SORCS3: variants seen among roughly 807,000 people sequenced by gnomAD.
SORCS3 encodes the protein sortilin related VPS10 domain containing receptor 3, also known as VPS10 domain-containing receptor SorCS3.
In SORCS3, 57 loss-of-function variants were observed where a neutral mutation model predicts 146.3. The ratio of observed to expected loss-of-function variants is 0.39; its 90% confidence interval spans 0.31 to 0.49. The LOEUF (loss-of-function observed/expected upper bound fraction) is 0.49. SORCS3 is among the 20% of genes least tolerant of loss of function. The probability of loss-of-function intolerance (pLI) is 0.92; values close to 1 mark genes in which losing one functional copy is unlikely to be tolerated. For synonymous variants in SORCS3, 653 were observed against 618.5 expected (o/e 1.06, Z -0.83); for missense variants, 1,341 against 1,575.5 (o/e 0.85, Z 2.52).
At chr10:104,751,505 G>A (rs764720366) in intron 1 of SORCS3, among the ~76,000 whole-genome samples, 33 of 152,132 alleles carry the variant, frequency 2.2e-4, no homozygotes, top group African/African-American at 6.3e-4. Context: ...CTTGATTGGA[G>A]GTAAGGGTTA....
At chr10:105,088,371 C>T (rs2055677507) in intron 5 of SORCS3, among the ~76,000 whole-genome samples, 1 of 152,156 alleles carries the variant, frequency 6.6e-6, no homozygotes, top group Admixed American at 6.5e-5. Context: ...TAGAGTAAAG[C>T]CTCATTTATT....
chr10:105,048,774 T>C (rs542415961), intron 5 of SORCS3, among the ~76,000 whole-genome samples: 58 of 152,220 alleles, frequency 3.8e-4, no homozygotes, highest in Non-Finnish European at 7.2e-4. Flanking sequence ...TTTCATGTTC[T>C]TAGTTTTCCA....
intron 1 of SORCS3, among the ~76,000 whole-genome samples, chr10:104,690,827 ATAGCAAT>A (rs2016102860): frequency 4.1e-5 from 2 of 48,740 alleles, no homozygotes; most frequent in South Asian, 2.3e-3. Context: ...CAAGACCCTG[ATAGCAAT>A]AACTCAATGC....
chr10:105,263,486 GC>G lies in SORCS3; in HGVS notation c.*116del, dbSNP rs1432675363. The G allele has an allele frequency of 1.9e-6, 2 of 1,061,906 alleles. No individual in the cohort carries two copies. Among genetic ancestry groups the G allele is most frequent in the Non-Finnish European group, 2.8e-6 (2 of 723,292 alleles). 65.8% of individuals were successfully genotyped at this position (1,061,906 alleles called of 1,614,324 possible). A position where few individuals can be genotyped will look rare whatever the true frequency, so the allele number is the denominator to read the frequency against. On this transcript the variant is annotated 3_prime_UTR_variant, in exon 27 of 27. Transcript: ENST00000369701. ...CTTTTTTACCTTTTGTTTACCAAGG[GC>G]CCCTTCATAAATAGCAGGCAAATGC...
At chr10:104,809,242 A>G (rs988837451) in intron 1 of SORCS3, among the ~76,000 whole-genome samples, 4 of 152,168 alleles carry the variant, frequency 2.6e-5, no homozygotes, top group East Asian at 1.9e-4. Flanking sequence ...TGAGTTGGCA[A>G]TTTTGGCTGG....
intron 3 of SORCS3, among the ~76,000 whole-genome samples, chr10:104,938,602 G>C (rs148877877): frequency 1.4e-4 from 22 of 152,038 alleles, no homozygotes; most frequent in African/African-American, 5.3e-4. Flanking sequence ...CCATCTTCAG[G>C]GCCCTGTGCA....
chr10:104,894,134 C>G (rs1484578909), intron 2 of SORCS3, among the ~76,000 whole-genome samples: 1 of 152,172 alleles, frequency 6.6e-6, no homozygotes, highest in East Asian at 1.9e-4. Flanking sequence ...CCTTTCTTCT[C>G]TCCACCCTTT....
chr10:105,069,753 T>TA (rs1281294053), intron 5 of SORCS3, among the ~76,000 whole-genome samples: 5 of 152,204 alleles, frequency 3.3e-5, no homozygotes, highest in Non-Finnish European at 7.3e-5. Flanking sequence ...GTCCCTCTTA[T>TA]AATTAATACA....
chr10:104,645,757 C>G (rs181923187), intron 1 of SORCS3, among the ~76,000 whole-genome samples: 11 of 152,354 alleles, frequency 7.2e-5, no homozygotes, highest in African/African-American at 2.6e-4. Context: ...CTACCCTTAA[C>G]TAATTCAGCT....
rs2133263072 is a variant in SORCS3, at chr10:104,678,730, A to G, written c.627+36776A>G. On this transcript the variant is annotated intron_variant, in intron 1 of 26. Coordinates refer to ENST00000369701, the MANE Select transcript of SORCS3 (RefSeq NM_014978.3). ...GCAATAATTGAATGATATTTTCAAA[A>G]TGAGTCAGCAACATCTGTGGTATCC... is the stretch of plus-strand genomic sequence containing the variant. Among the ~76,000 whole-genome samples, 2 of 152,314 alleles carry G rather than the reference A, an allele frequency of 1.3e-5. 1 individual carries two copies. The highest frequency in any genetic ancestry group is 1.3e-4 in the Admixed American group (2 of 15,302).
intron 7 of SORCS3, among the ~76,000 whole-genome samples, chr10:105,121,157 G>A (rs2055929633): frequency 6.6e-6 from 1 of 152,148 alleles, no homozygotes; most frequent in African/African-American, 2.4e-5. Context: ...CAAAGCAATG[G>A]TTATTTGGAG....
intron 3 of SORCS3, among the ~76,000 whole-genome samples, chr10:104,932,239 A>G (rs2019215609): frequency 6.6e-6 from 1 of 152,220 alleles, no homozygotes; most frequent in Non-Finnish European, 1.5e-5. Context: ...GACCCTAAGC[A>G]AATTGTAAAT....
At chr10:104,788,991 C>T (rs2017467338) in intron 1 of SORCS3, among the ~76,000 whole-genome samples, 1 of 152,190 alleles carries the variant, frequency 6.6e-6, no homozygotes, top group Admixed American at 6.5e-5. Context: ...TCTTTGTCTT[C>T]CCCCACCTGG....
intron 8 of SORCS3, among the ~76,000 whole-genome samples, chr10:105,141,480 A>G (rs1216740682): frequency 1.3e-5 from 2 of 152,162 alleles, no homozygotes; most frequent in Non-Finnish European, 2.9e-5. Context: ...TTGCTGTTCC[A>G]TGCAGTGCCG....
At chr10:104,732,090 C>G (rs773510216) in intron 1 of SORCS3, among the ~76,000 whole-genome samples, 1 of 152,192 alleles carries the variant, frequency 6.6e-6, no homozygotes, top group African/African-American at 2.4e-5. Context: ...CAGAAATATG[C>G]GTTAGCTCTC....
At chr10:104,755,112 G>A (rs2017033356) in intron 1 of SORCS3, among the ~76,000 whole-genome samples, 2 of 152,186 alleles carry the variant, frequency 1.3e-5, no homozygotes, top group African/African-American at 4.8e-5. Context: ...AAATATATGT[G>A]TGTTAGTTTG....
chr10:104,891,461 G>C (rs2018748093), intron 2 of SORCS3, among the ~76,000 whole-genome samples: 2 of 152,106 alleles, frequency 1.3e-5, no homozygotes, highest in African/African-American at 4.8e-5. Flanking sequence ...TGTTCTGTCT[G>C]CTGAACTCAG....
chr10:104,916,158 A>G (rs1194375434), intron 3 of SORCS3, among the ~76,000 whole-genome samples: 2 of 152,240 alleles, frequency 1.3e-5, no homozygotes, highest in East Asian at 1.9e-4. Context: ...AAAACTATGT[A>G]CCTATGTCTT....
chr10:105,186,046 G>C (rs1589678628), intron 14 of SORCS3, among the ~76,000 whole-genome samples: 1 of 152,040 alleles, frequency 6.6e-6, no homozygotes, highest in African/African-American at 2.4e-5. Flanking sequence ...GGAAATTTAG[G>C]TTATTTCTAG....
Sources: gnomAD v4.1 joint callset for allele counts (sites outside exome capture counted in the v4.1 genomes callset) on GRCh38, gnomAD v4.1.1 for gene constraint, MANE v1.5 for transcripts, NCBI Gene and HGNC (gene_info 2026-07-23, HGNC 2026-07-21) for gene names.